RELN: variants seen among roughly 807,000 people sequenced by gnomAD.
RELN encodes reelin.
RELN carries 108 observed loss-of-function variants against 427.6 expected under a neutral mutation model. The observed-to-expected ratio is 0.25, with a 90% CI of 0.22 to 0.30. The LOEUF is 0.30. Among genes scored for constraint, RELN ranks in the 10% least tolerant of loss-of-function variants. The pLI, the probability that RELN is intolerant of heterozygous loss-of-function variation, is 1.00. For missense variants in RELN, 3,715 were observed against 4,302.8 expected, an observed-to-expected ratio of 0.86 and a Z score of 3.82; for synonymous variants, 1,524 against 1,513.4, an observed-to-expected ratio of 1.01 and a Z score of -0.16.
At chr7:103,866,642 C>T (rs1269039426) in intron 2 of RELN, among the ~76,000 whole-genome samples, 1 of 151,954 alleles carries the variant, frequency 6.6e-6, no homozygotes, top group Non-Finnish European at 1.5e-5. Context: ...TTCTGATAGG[C>T]ATCCCTATCA....
At chr7:103,828,043 G>A (rs1287208663) in intron 3 of RELN, among the ~76,000 whole-genome samples, 2 of 151,968 alleles carry the variant, frequency 1.3e-5, no homozygotes, top group Admixed American at 6.6e-5. Flanking sequence ...ACACCCATGG[G>A]GGAATCCCTG....
intron 2 of RELN, among the ~76,000 whole-genome samples, chr7:103,909,312 T>C (rs1795286223): frequency 6.6e-6 from 1 of 151,898 alleles, no homozygotes; most frequent in Non-Finnish European, 1.5e-5. Flanking sequence ...AATGAAAAGT[T>C]AGCATACAGG....
intron 3 of RELN, among the ~76,000 whole-genome samples, chr7:103,801,666 A>T (rs1792470198): frequency 6.6e-6 from 1 of 152,110 alleles, no homozygotes; most frequent in African/African-American, 2.4e-5. Context: ...CCAGCATGGC[A>T]CATATATACC....
intron 20 of RELN, among the ~76,000 whole-genome samples, chr7:103,621,680 G>C (rs1219871607): frequency 6.6e-6 from 1 of 152,126 alleles, no homozygotes; most frequent in Non-Finnish European, 1.5e-5. Flanking sequence ...GCTCAACCAA[G>C]GCCTATCAAG....
At chr7:103,971,422 A>C (rs1320775724) in intron 1 of RELN, among the ~76,000 whole-genome samples, 3 of 152,224 alleles carry the variant, frequency 2.0e-5, no homozygotes, top group Non-Finnish European at 4.4e-5. Context: ...AAAAATAAGT[A>C]AAGGATTTAA....
At chr7:103,690,542 G>T (rs1411759049) in intron 10 of RELN, among the ~76,000 whole-genome samples, 4 of 151,954 alleles carry the variant, frequency 2.6e-5, no homozygotes, top group African/African-American at 9.7e-5. Context: ...GGAGCAGCTG[G>T]AAAAAAATAC....
intron 3 of RELN, among the ~76,000 whole-genome samples, chr7:103,817,017 G>A (rs951804356): frequency 1.4e-4 from 22 of 151,954 alleles, no homozygotes; most frequent in African/African-American, 5.1e-4. Flanking sequence ...ATGCCTCGCT[G>A]ATTTTTGTGT....
chr7:103,589,215 G>A (rs749768265), intron 28 of RELN, among the ~76,000 whole-genome samples: 6 of 152,086 alleles, frequency 3.9e-5, no homozygotes, highest in Non-Finnish European at 8.8e-5. Context: ...TATTTCAGAT[G>A]GCCACATTTA....
intron 3 of RELN, among the ~76,000 whole-genome samples, chr7:103,816,421 A>G (rs1792870753): frequency 6.6e-6 from 1 of 152,164 alleles, no homozygotes; most frequent in South Asian, 2.1e-4. Flanking sequence ...TCTAATGTAA[A>G]TAATATTTTA....
intron 11 of RELN, among the ~76,000 whole-genome samples, chr7:103,680,979 G>GCCACTTCCCT (rs1468388689): frequency 1.3e-5 from 2 of 152,152 alleles, no homozygotes; most frequent in Non-Finnish European, 2.9e-5. Flanking sequence ...CCCTGAGGCA[G>GCCACTTCCCT]GGAGGAGCAG....
chr7:103,758,683 CATAAT>C (rs1791222917), intron 4 of RELN, among the ~76,000 whole-genome samples: 1 of 149,324 alleles, frequency 6.7e-6, no homozygotes, highest in Non-Finnish European at 1.5e-5. Context: ...AAGTTTTCAG[CATAAT>C]ATAATCTTTT....
rs528981328 is a variant in RELN, at chr7:103,521,546, A to G, written c.7668+476T>C. ...GGAACCATCACAGCTCATTTTCCAGATTTTTGGCTCCTTAAATCCAAAATC... is the reference window on the plus strand; with the variant it reads ...GGAACCATCACAGCTCATTTTCCAGGTTTTTGGCTCCTTAAATCCAAAATC... On this transcript the variant is annotated intron_variant, in intron 48 of 64. Transcript: ENST00000428762. Among the ~76,000 whole-genome samples the G allele has an allele frequency of 2.0e-4, 31 of 152,318 alleles. No homozygotes were observed. The Middle Eastern group carries it at 0.01, about 50-fold the overall frequency.
intron 6 of RELN, among the ~76,000 whole-genome samples, chr7:103,733,992 C>T (rs1790428029): frequency 6.6e-6 from 1 of 152,130 alleles, no homozygotes; most frequent in Non-Finnish European, 1.5e-5. Context: ...TTCTACTCTT[C>T]CTTTATGGAA....
chr7:103,746,605 A>G (rs1225900111), intron 6 of RELN, among the ~76,000 whole-genome samples: 2 of 152,344 alleles, frequency 1.3e-5, no homozygotes, highest in South Asian at 2.1e-4. Context: ...TGGGCGAAGG[A>G]TATGAACAGA....
intron 3 of RELN, among the ~76,000 whole-genome samples, chr7:103,786,298 T>C (rs1792013546): frequency 6.6e-6 from 1 of 151,898 alleles, no homozygotes; most frequent in Admixed American, 6.6e-5. Context: ...AAAATTAATA[T>C]AAAGTTGTTT....
At chr7:103,797,372 T>C (rs898945738) in intron 3 of RELN, among the ~76,000 whole-genome samples, 7 of 152,146 alleles carry the variant, frequency 4.6e-5, no homozygotes, top group African/African-American at 1.7e-4. Flanking sequence ...CCCAAAGTAG[T>C]GGGATTACAG....
rs1320483222 is a variant in RELN, at chr7:103,947,665, T to A, written c.227-30480A>T. ...AGCCACCCAGTTTGTAGTACTTTGT[T>A]ACAGCAGTCCCAGCAAGTAAATACA... On this transcript the variant is annotated intron_variant, in intron 1 of 64. Coordinates refer to ENST00000428762, the MANE Select transcript of RELN (RefSeq NM_005045.4). Among the ~76,000 whole-genome samples the A allele has an allele frequency of 4.6e-5, 7 of 152,216 alleles. No homozygotes were observed. In the East Asian group the frequency reaches 1.2e-3, roughly 25 times the overall value.
At chr7:103,878,015 C>A (rs71558658) in intron 2 of RELN, among the ~76,000 whole-genome samples, 13 of 151,980 alleles carry the variant, frequency 8.6e-5, no homozygotes, top group African/African-American at 3.1e-4. Flanking sequence ...ACCAACACGC[C>A]CAGCTAATAT....
chr7:103,527,985 A>G, intron 46 of RELN, among the ~76,000 whole-genome samples: 1 of 152,214 alleles, frequency 6.6e-6, no homozygotes, highest in East Asian at 1.9e-4. Context: ...AATGTAAAAG[A>G]GTACAGCTGT....
Sources: allele counts gnomAD v4.1 joint callset (sites outside exome capture counted in the v4.1 genomes callset), GRCh38; gene constraint gnomAD v4.1.1; transcripts MANE v1.5; gene names NCBI Gene and HGNC (gene_info 2026-07-23, HGNC 2026-07-21).